The following ABR variants were observed in gnomAD, a reference collection of about 807,000 sequenced individuals.
ABR encodes ABR activator of RhoGEF and GTPase.
Under a neutral mutation model 107.2 loss-of-function variants are expected in ABR, and 35 were observed. The ratio of observed to expected loss-of-function variants is 0.33; its 90% CI spans 0.25 to 0.43. ABR has a LOEUF of 0.43. Among genes scored for constraint, ABR ranks in the 20% least tolerant of loss-of-function variants. The pLI, the probability that ABR is intolerant of heterozygous loss-of-function variation, is 1.00. For missense variants in ABR, 815 were observed against 1,115.2 expected, an observed-to-expected ratio of 0.73 and a Z score of 3.83; for synonymous variants, 498 against 462.0, an observed-to-expected ratio of 1.08 and a Z score of -1.00.
chr17:1,012,187 C>A, intron 18 of ABR: 1 of 801,190 alleles, frequency 1.2e-6, no homozygotes, highest in Non-Finnish European at 2.1e-6. Context: ...GGGGCATCGA[C>A]GGACGTGGGC....
In ABR at chr17:1,011,764, G is replaced by T; in HGVS notation, c.2101+82C>A. 6.8e-7 allele frequency: 1 copy of T among 1,476,708 alleles called. No individual in the cohort carries two copies. Among genetic ancestry groups the T allele is most frequent in the African/African-American group, 1.4e-5 (1 of 71,394 alleles). 91.5% of individuals were successfully genotyped at this position (1,476,708 alleles called of 1,614,324 possible). A position where few individuals can be genotyped will look rare whatever the true frequency, so the allele number is the denominator to read the frequency against. ...AAGCCTCCTCTCCAGGGAGGCTCCT[G>T]GTTCCCCCGAGCTCTCCTGTCCATC... On this transcript the variant is annotated intron_variant, in intron 19 of 22. Coordinates refer to ENST00000302538, the MANE Select transcript of ABR (RefSeq NM_021962.5). The surrounding 1 kb of genome is among the most constrained non-coding windows in gnomAD (Gnocchi z 4.8).
chr17:1,041,462 C>T (rs150132143), intron 16 of ABR, among the ~76,000 whole-genome samples: 3,508 of 152,072 alleles, frequency 0.023, 61 homozygotes, highest in Non-Finnish European at 0.035. Flanking sequence ...TGGCCGGGTG[C>T]GGTGGCTCAC....
chr17:1,050,036 C>A lies in ABR; in HGVS notation c.1791+14G>T, dbSNP rs138482192. On this transcript the variant is annotated intron_variant, in intron 16 of 22. Transcript: ENST00000302538. The surrounding 1 kb of genome is among the most constrained non-coding windows in gnomAD (Gnocchi z 4.6). The stretch of plus-strand genomic sequence containing the variant: ...GGAGGCTCCCTCAGCCTCGCCCCGG[C>A]GCCCTGGCCTCACCTGGATCTGTCC... 96 of 1,610,320 alleles carry A rather than the reference C, an allele frequency of 6.0e-5. No individual in the cohort carries two copies. The highest frequency in any genetic ancestry group is 7.7e-5 in the Non-Finnish European group (91 of 1,178,634).
intron 14 of ABR, 127 bp downstream of exon 14, chr17:1,055,908 G>T: frequency 1.2e-6 from 1 of 836,682 alleles, no homozygotes; most frequent in East Asian, 2.6e-5. Flanking sequence ...CCTGCCAAGA[G>T]GAGCTGGTTT....
rs989088226 is a variant in ABR, at chr17:1,078,962, C to A, written c.700+368G>T. ...CAGCCACCTTGCTGATGCTGCCGCA[C>A]GGACTCCAGCATCGGGCAGCCGCTC... On this transcript the variant is annotated intron_variant, in intron 6 of 22. Coordinates refer to ENST00000302538, the MANE Select transcript of ABR (RefSeq NM_021962.5). The surrounding 1 kb of genome is among the most constrained non-coding windows in gnomAD (Gnocchi z 7.5). The A allele has an allele frequency of 3.3e-6, 5 of 1,505,678 alleles. No individual in the cohort carries two copies. In the East Asian group the frequency reaches 1.3e-4, roughly 38 times the overall value. 93.3% of individuals were successfully genotyped at this position (1,505,678 alleles called of 1,614,324 possible).
chr17:1,022,120 A>AAAAC (rs1555534385), intron 16 of ABR, among the ~76,000 whole-genome samples: 3 of 118,388 alleles, frequency 2.5e-5, no homozygotes, highest in African/African-American at 7.3e-5. Context: ...AAAAAAAAAA[A>AAAAC]AAAAACAGAA....
At chr17:1,108,957 A>G in intron 2 of ABR, 1 of 1,595,900 alleles carries the variant, frequency 6.3e-7, no homozygotes, top group South Asian at 1.1e-5. Context: ...AGGAAGGGGG[A>G]CCCTGAGCCG....
At chr17:1,099,728 T>A (rs1263407123) in intron 3 of ABR, among the ~76,000 whole-genome samples, 1 of 152,134 alleles carries the variant, frequency 6.6e-6, no homozygotes, top group Non-Finnish European at 1.5e-5. Flanking sequence ...CATATTCCCC[T>A]CCCAATCAGA....
chr17:1,147,446 T>C (rs1355957692), intron 1 of ABR, among the ~76,000 whole-genome samples: 2 of 151,890 alleles, frequency 1.3e-5, no homozygotes, highest in African/African-American at 2.4e-5. Context: ...CTGCAACCTC[T>C]GCCTCCTGAG....
chr17:1,093,843 T>C (rs980321109), intron 3 of ABR, among the ~76,000 whole-genome samples: 39 of 152,192 alleles, frequency 2.6e-4, no homozygotes, highest in African/African-American at 9.2e-4. Context: ...AGAAGTCGTC[T>C]CATCTACTCA....
intron 2 of ABR, among the ~76,000 whole-genome samples, chr17:1,113,817 C>G (rs541826147): frequency 2.0e-5 from 3 of 152,294 alleles, no homozygotes; most frequent in Admixed American, 2.0e-4. Context: ...TTCCCTCTGA[C>G]AGAGGGAGCC....
At chr17:1,135,353 AT>A (rs1414062188) in intron 1 of ABR, among the ~76,000 whole-genome samples, 4 of 137,790 alleles carry the variant, frequency 2.9e-5, no homozygotes, top group Non-Finnish European at 4.8e-5. Flanking sequence ...TGCTAACTTT[AT>A]TTTTTATTCT....
intron 16 of ABR, among the ~76,000 whole-genome samples, chr17:1,018,246 G>A (rs533983126): frequency 6.0e-5 from 9 of 150,468 alleles, no homozygotes; most frequent in Non-Finnish European, 1.0e-4. Context: ...GTTTCACCGT[G>A]TTAGCCAGGA....
In ABR at chr17:1,207,576, G is replaced by A. The variant is rs181269526; in HGVS notation, c.838+21217C>T. On this transcript the variant is annotated intron_variant, in intron 1 of 22. Coordinates refer to the ABR transcript ENST00000574139. ...AGCCAGGAGAATTGCTTGAACTCGG[G>A]AGGTGGAAGTTGCAGTGAGCCGAGA... is the stretch of plus-strand genomic sequence containing the variant. Among the ~76,000 whole-genome samples the A allele has an allele frequency of 3.7e-3, 543 of 147,628 alleles. 1 individual carries two copies. The highest frequency in any genetic ancestry group is 5.9e-3 in the Non-Finnish European group (398 of 67,064).
intron 13 of ABR, 80 bp downstream of exon 13, chr17:1,056,918 G>T: frequency 2.1e-6 from 2 of 940,404 alleles, no homozygotes; most frequent in Non-Finnish European, 3.4e-6. Flanking sequence ...CCACATGTCT[G>T]TCTGAGTCCT....
At chr17:1,064,119 T>A in intron 10 of ABR, among the ~76,000 whole-genome samples, 1 of 33,378 alleles carries the variant, frequency 3.0e-5, no homozygotes, top group Non-Finnish European at 6.1e-5. Context: ...ACTGTTGTTA[T>A]GTGAACTGAG....
At chr17:1,059,604 G>T (rs1040290915) in intron 10 of ABR, among the ~76,000 whole-genome samples, 1 of 152,110 alleles carries the variant, frequency 6.6e-6, no homozygotes. Flanking sequence ...AACCCACCAG[G>T]TCCCGTCGGC....
At chr17:1,220,650 C>T (rs1394817496) in intron 1 of ABR, among the ~76,000 whole-genome samples, 1 of 152,146 alleles carries the variant, frequency 6.6e-6, no homozygotes, top group African/African-American at 2.4e-5. Context: ...CAACACAGCC[C>T]TGATGTTTGG....
At chr17:1,009,979 T>G (rs2070394305) in intron 20 of ABR, 195 bp from the exon 21 acceptor site, 2 of 603,648 alleles carry the variant, frequency 3.3e-6, no homozygotes, top group African/African-American at 3.7e-5. Flanking sequence ...CCACCACGAC[T>G]GGTAACTCAG....
Sources: allele counts gnomAD v4.1 joint callset (sites outside exome capture counted in the v4.1 genomes callset), GRCh38; gene constraint gnomAD v4.1.1; non-coding constraint Gnocchi (gnomAD v3.1); transcripts MANE v1.5; gene names NCBI Gene and HGNC (gene_info 2026-07-23, HGNC 2026-07-21).